Variants in WNK2 observed in about 807,000 individuals in gnomAD.
The protein encoded by WNK2 is serine/threonine-protein kinase WNK2.
A neutral mutation model predicts 192.1 loss-of-function variants in WNK2; 67 were observed. That is an observed-to-expected ratio of 0.35 (90% CI 0.29 to 0.43). The LOEUF (loss-of-function observed/expected upper bound fraction) is 0.43, where lower values mean the gene tolerates loss of function less well. WNK2 is among the 20% of genes least tolerant of loss of function. The pLI is 1.00. For missense variants in WNK2, 2,698 were observed against 3,089.7 expected (o/e 0.87, Z 3.01); for synonymous variants, 1,439 against 1,393.9 (o/e 1.03, Z -0.72).
chr9:93,232,499 T>G (rs944319243), intron 4 of WNK2, among the ~76,000 whole-genome samples: 4 of 152,128 alleles, frequency 2.6e-5, no homozygotes, highest in Admixed American at 6.5e-5. Context: ...AAATTTGGCT[T>G]CAGAAGTGGT....
intron 2 of WNK2, among the ~76,000 whole-genome samples, chr9:93,198,351 C>T (rs1321556113): frequency 4.6e-5 from 7 of 152,214 alleles, no homozygotes; most frequent in African/African-American, 9.6e-5. Context: ...CCCAGGCAGG[C>T]GGGGCTTGCT....
intron 25 of WNK2, among the ~76,000 whole-genome samples, chr9:93,299,660 A>T (rs1230299939): frequency 6.6e-6 from 1 of 151,456 alleles, no homozygotes; most frequent in Non-Finnish European, 1.5e-5. Context: ...GTCCAGAGGG[A>T]CGGCTGGGGG....
chr9:93,247,853 G>C lies in WNK2; in HGVS notation c.1834+19G>C. On this transcript the variant is annotated intron_variant, in intron 8 of 29. Transcript: ENST00000427277. The surrounding 1 kb of genome is among the most constrained non-coding windows in gnomAD (Gnocchi z 5.2). ...CTGGCCTGTGAGTGCTCAGGGGTGG[G>C]ATGGCCATGGGCACCCCTCCCACCT... 1 of 1,532,842 alleles carries C rather than the reference G, an allele frequency of 6.5e-7. No individual in the cohort carries two copies. The highest frequency in any genetic ancestry group is 1.4e-5 in the African/African-American group (1 of 73,020). The allele number at this position is 1,532,842 out of a possible 1,614,324, so 95.0% of individuals were successfully genotyped here.
chr9:93,228,992 G>A (rs998927339), intron 2 of WNK2, among the ~76,000 whole-genome samples: 2 of 152,150 alleles, frequency 1.3e-5, no homozygotes, highest in African/African-American at 4.8e-5. Flanking sequence ...TTGTGGGATG[G>A]TGGGCAGAGC....
chr9:93,241,665 G>A (rs1282201027), intron 7 of WNK2, among the ~76,000 whole-genome samples: 3 of 152,184 alleles, frequency 2.0e-5, no homozygotes, highest in African/African-American at 7.2e-5. Flanking sequence ...GTGATACCAT[G>A]GAAGGTGCTT....
intron 29 of WNK2, 64 bp from the exon 30 acceptor site, chr9:93,320,303 G>A (rs964852675): frequency 5.3e-5 from 73 of 1,365,680 alleles, no homozygotes; most frequent in Non-Finnish European, 6.8e-5. Context: ...GTCAGGGCCT[G>A]GCCCTTGGCG....
At chr9:93,314,104 C>G (rs1854153980) in intron 28 of WNK2, among the ~76,000 whole-genome samples, 1 of 147,136 alleles carries the variant, frequency 6.8e-6, no homozygotes, top group South Asian at 2.1e-4. Flanking sequence ...AACCCTGTCT[C>G]TACTAAAAGT....
chr9:93,286,261 A>T (rs1848432894), intron 19 of WNK2, among the ~76,000 whole-genome samples: 1 of 152,214 alleles, frequency 6.6e-6, no homozygotes. Context: ...TCTGTAGTAC[A>T]GATAGCCCCC....
At chr9:93,195,782 A>G (rs1430387061) in intron 2 of WNK2, among the ~76,000 whole-genome samples, 1 of 144,790 alleles carries the variant, frequency 6.9e-6, no homozygotes, top group Non-Finnish European at 1.5e-5. Context: ...AACTGCTTTT[A>G]TTTTTGAATA....
At chr9:93,191,378 T>C (rs1587748060) in intron 2 of WNK2, among the ~76,000 whole-genome samples, 1 of 152,248 alleles carries the variant, frequency 6.6e-6, no homozygotes, top group East Asian at 1.9e-4. Flanking sequence ...GAGCATTTGT[T>C]GAACGTGTGT....
In WNK2 at chr9:93,206,335, C is replaced by CGTGG. The variant is rs551110573; in HGVS notation, c.681+20726_681+20729dup. Among the ~76,000 whole-genome samples the CGTGG allele has an allele frequency of 4.9e-3, 752 of 152,282 alleles. 4 individuals are homozygous for CGTGG. The highest frequency in any genetic ancestry group is 0.028 in the South Asian group (135 of 4,822). ...AGGGTCGCCTGCAGTGACCTGGGCA[C>CGTGG]GTGGACCTAGGGTGCTGGGGGAAAC... On this transcript the variant is annotated intron_variant, in intron 2 of 29. Transcript: ENST00000427277.
rs750056272 is a variant in WNK2, at chr9:93,289,031, T to C, written c.4277T>C (p.Leu1426Pro). ...QAGGPGTPQGLTSELETSQPL... is the reference protein window; with the variant it reads ...QAGGPGTPQGPTSELETSQPL... ...GGGGGTCCAGGGACACCTCAGGGGCTGACCAGTGAGCTCGAGACGTCTCAG... is the reference window on the plus strand; with the variant it reads ...GGGGGTCCAGGGACACCTCAGGGGCCGACCAGTGAGCTCGAGACGTCTCAG... Residue 1426 changes from leucine to proline, a missense_variant, in exon 20 of 30, where the codon CTG becomes CCG. Leu to Pro is a moderately conservative substitution (Grantham distance 98, BLOSUM62 -3). Transcript: ENST00000427277. The C allele has an allele frequency of 6.0e-5, 97 of 1,604,836 alleles. No individual in the cohort carries two copies. The highest frequency in any genetic ancestry group is 1.6e-4 in the Middle Eastern group (1 of 6,070).
At chr9:93,235,115 G>T in intron 5 of WNK2, 150 bp downstream of exon 5, 1 of 978,018 alleles carries the variant, frequency 1.0e-6, no homozygotes, top group South Asian at 1.7e-5. Flanking sequence ...GAGGAGATTG[G>T]CCATTTTACA....
rs147051219 is a variant in WNK2 at position 93,314,385 on chromosome 9, C to T, written c.6517-3135C>T. Among the ~76,000 whole-genome samples the T allele has an allele frequency of 1.7e-3, 248 of 148,856 alleles. 3 individuals carry two copies. The highest frequency in any genetic ancestry group is 6.2e-3 in the Admixed American group (93 of 14,912). On this transcript the variant is annotated intron_variant, in intron 28 of 29. Transcript: ENST00000427277. ...ATCGCTTGAGCCCAGGAGGTCAAGG[C>T]TGCAGTGAGCCGAGATAGTGCCACT...
intron 4 of WNK2, among the ~76,000 whole-genome samples, chr9:93,233,773 G>T (rs968020980): frequency 2.0e-5 from 3 of 150,532 alleles, no homozygotes; most frequent in Admixed American, 6.6e-5. Flanking sequence ...CTTTTAAAAT[G>T]CACTAATTAG....
intron 19 of WNK2, among the ~76,000 whole-genome samples, chr9:93,280,059 C>A (rs1029678198): frequency 6.6e-6 from 1 of 152,100 alleles, no homozygotes; most frequent in African/African-American, 2.4e-5. Context: ...AAACTGAATT[C>A]GTCAAAGTTT....
chr9:93,253,094 CATCA>C lies in WNK2; in HGVS notation c.2034+13_2034+16del. On this transcript the variant is annotated intron_variant, in intron 9 of 29. Coordinates refer to ENST00000427277, the MANE Select transcript of WNK2 (RefSeq NM_006648.4). ...AGCCCACGGCTGCAGTGAGTCAGAG[CATCA>C]CTCCCACCCCCTTCCCCATCCCCAT... is the stretch of plus-strand genomic sequence containing the variant. 2 of 1,423,418 alleles carry C rather than the reference CATCA, an allele frequency of 1.4e-6. No homozygotes were observed. The highest frequency in any genetic ancestry group is 1.8e-6 in the Non-Finnish European group (2 of 1,089,498). 88.2% of individuals were successfully genotyped at this position (1,423,418 alleles called of 1,614,324 possible). A position where few individuals can be genotyped will look rare whatever the true frequency, so the allele number is the denominator to read the frequency against.
intron 2 of WNK2, among the ~76,000 whole-genome samples, chr9:93,228,124 C>G (rs1027310751): frequency 2.6e-5 from 4 of 152,182 alleles, no homozygotes; most frequent in African/African-American, 9.7e-5. Flanking sequence ...AATGGCTTCT[C>G]TGGGTATTGC....
chr9:93,302,099 C>T (rs1271065887), intron 26 of WNK2, among the ~76,000 whole-genome samples: 1 of 152,254 alleles, frequency 6.6e-6, no homozygotes, highest in East Asian at 1.9e-4. Flanking sequence ...GAGCCATCCA[C>T]TGGCACATCT....
Sources: gnomAD v4.1 joint callset for allele counts (sites outside exome capture counted in the v4.1 genomes callset) on GRCh38, gnomAD v4.1.1 for gene constraint, Gnocchi (gnomAD v3.1) non-coding constraint, MANE v1.5 for transcripts, NCBI Gene and HGNC (gene_info 2026-07-23, HGNC 2026-07-21) for gene names.